Variants in IGFL2 observed in about 807,000 individuals in gnomAD.
IGFL2 encodes insulin growth factor-like family member 2.
In IGFL2, 7 loss-of-function variants were observed where a neutral mutation model predicts 13.9. That is an observed-to-expected ratio of 0.51 (90% CI 0.29 to 0.95). IGFL2 has a LOEUF of 0.95. IGFL2 is among the 40% of genes least tolerant of loss of function. The probability of loss-of-function intolerance (pLI) is 0.08; values close to 1 mark genes in which losing one functional copy is unlikely to be tolerated. For missense variants in IGFL2, 138 were observed against 147.8 expected (o/e 0.93, Z 0.34); for synonymous variants, 55 against 55.8 (o/e 0.99, Z 0.07).
At chr19:46,117,315 C>A in the IGFL2 span, among the ~76,000 whole-genome samples, 7 of 152,128 alleles carry the variant, frequency 4.6e-5, no homozygotes, top group East Asian at 1.2e-3. Context: ...GAACTCCTGG[C>A]CTCAAGTGAT....
chr19:46,145,392 C>T (rs1227588456), upstream of IGFL2, among the ~76,000 whole-genome samples: 4 of 151,754 alleles, frequency 2.6e-5, no homozygotes, highest in African/African-American at 9.7e-5. Context: ...CCCCAGTGGC[C>T]CTCCCTCGTC....
the IGFL2 span, among the ~76,000 whole-genome samples, chr19:46,167,309 A>G: frequency 3.3e-5 from 5 of 152,318 alleles, no homozygotes; most frequent in East Asian, 5.8e-4. Context: ...ACATCTGTCA[A>G]TAATGTCCTG....
At chr19:46,124,208 C>T in the IGFL2 span, 1 of 1,609,148 alleles carries the variant, frequency 6.2e-7, no homozygotes, top group Non-Finnish European at 8.5e-7. Flanking sequence ...ATACTCAATT[C>T]CCAGTCTCTT....
chr19:46,152,020 T>A (rs910197192), intron 1 of IGFL2, among the ~76,000 whole-genome samples: 4 of 152,236 alleles, frequency 2.6e-5, no homozygotes, highest in Non-Finnish European at 5.9e-5. Flanking sequence ...GTATTTCCAT[T>A]TATTTACATA....
At chr19:46,103,848 A>C in the IGFL2 span, among the ~76,000 whole-genome samples, 1 of 152,192 alleles carries the variant, frequency 6.6e-6, no homozygotes, top group East Asian at 1.9e-4. Flanking sequence ...TAAGGGAAGT[A>C]GGGTTGAGTA....
the IGFL2 span, among the ~76,000 whole-genome samples, chr19:46,092,069 G>A: frequency 6.6e-6 from 1 of 152,186 alleles, no homozygotes; most frequent in Non-Finnish European, 1.5e-5. Context: ...TGGATTTCAA[G>A]ATAAGTTAAA....
the IGFL2 span, among the ~76,000 whole-genome samples, chr19:46,200,400 C>T: frequency 6.6e-6 from 1 of 150,940 alleles, no homozygotes; most frequent in Non-Finnish European, 1.5e-5. Context: ...TCTTGAACTC[C>T]TGAGCTTAGG....
chr19:46,108,941 C>G, the IGFL2 span, among the ~76,000 whole-genome samples: 34 of 152,308 alleles, frequency 2.2e-4, no homozygotes, highest in African/African-American at 7.9e-4. Context: ...GACCGCTTAC[C>G]TGATTTGAAA....
chr19:46,187,275 T>A, the IGFL2 span, among the ~76,000 whole-genome samples: 3 of 139,574 alleles, frequency 2.1e-5, no homozygotes, highest in African/African-American at 8.4e-5. Context: ...TGATCAGAGA[T>A]GGTGAGCATT....
At chr19:46,104,828 T>C in the IGFL2 span, among the ~76,000 whole-genome samples, 1 of 152,102 alleles carries the variant, frequency 6.6e-6, no homozygotes, top group Non-Finnish European at 1.5e-5. Context: ...GTAACCTACA[T>C]GGAAGAGGTT....
chr19:46,154,586 G>A (rs1478799876), intron 1 of IGFL2, among the ~76,000 whole-genome samples: 1 of 152,044 alleles, frequency 6.6e-6, no homozygotes, highest in African/African-American at 2.4e-5. Context: ...TGGAACTACA[G>A]GCACCCACCA....
At chr19:46,139,935 C>A (rs1310355537), upstream of IGFL2, among the ~76,000 whole-genome samples, 1 of 149,006 alleles carries the variant, frequency 6.7e-6, no homozygotes, top group Non-Finnish European at 1.5e-5. Context: ...ATATTTCACG[C>A]ACTCACACAC....
chr19:46,160,262 T>C (rs975148627), intron 1 of IGFL2, 153 bp from the exon 2 acceptor site: 3 of 664,332 alleles, frequency 4.5e-6, no homozygotes, highest in Admixed American at 4.8e-5. Context: ...CTCTTAACTG[T>C]GTCAGTTAGA....
chr19:46,196,695 C>T, the IGFL2 span, among the ~76,000 whole-genome samples: 1 of 152,206 alleles, frequency 6.6e-6, no homozygotes, highest in African/African-American at 2.4e-5. Context: ...GCCCAGGACC[C>T]TTGAGCACAG....
the IGFL2 span, among the ~76,000 whole-genome samples, chr19:46,103,363 AGT>A: frequency 6.6e-6 from 1 of 152,124 alleles, no homozygotes; most frequent in Admixed American, 6.5e-5. Context: ...GCTAGGAGAG[AGT>A]GAGTGAGATT....
At chr19:46,112,793 G>A in the IGFL2 span, among the ~76,000 whole-genome samples, 2 of 152,188 alleles carry the variant, frequency 1.3e-5, no homozygotes, top group Non-Finnish European at 2.9e-5. Context: ...GTAATGTAAT[G>A]TTTTGGTTTG....
At chr19:46,205,613 A>G in the IGFL2 span, among the ~76,000 whole-genome samples, 1 of 152,096 alleles carries the variant, frequency 6.6e-6, no homozygotes, top group Admixed American at 6.5e-5. Flanking sequence ...TGAGAGAGAG[A>G]GAGAGAGCTG....
chr19:46,091,115 G>A, the IGFL2 span, among the ~76,000 whole-genome samples: 1 of 152,156 alleles, frequency 6.6e-6, no homozygotes, highest in Non-Finnish European at 1.5e-5. Flanking sequence ...CTCTTTTGAA[G>A]GTATTTTTGT....
chr19:46,138,237 G>A (rs908582789), upstream of IGFL2, among the ~76,000 whole-genome samples: 1 of 152,132 alleles, frequency 6.6e-6, no homozygotes, highest in Non-Finnish European at 1.5e-5. Context: ...TTTAACTATG[G>A]TATAAGTTGG....
Sources: gnomAD v4.1 joint callset for allele counts (sites outside exome capture counted in the v4.1 genomes callset) on GRCh38, gnomAD v4.1.1 for gene constraint, MANE v1.5 for transcripts, NCBI Gene and HGNC (gene_info 2026-07-23, HGNC 2026-07-21) for gene names.